KRABD2: variants seen among roughly 807,000 people sequenced by gnomAD.
The protein encoded by KRABD2 is KRAB domain containing 2, also known as KRAB domain-containing protein 2.
the KRABD2 span, among the ~76,000 whole-genome samples, chr17:8,363,494 G>C: frequency 3.1e-3 from 477 of 152,004 alleles, 1 homozygote; most frequent in Middle Eastern, 0.027. Flanking sequence ...TAGGATTACA[G>C]GCACCTGCCA....
the KRABD2 span, among the ~76,000 whole-genome samples, chr17:8,360,893 A>G: frequency 1.3e-5 from 2 of 152,200 alleles, no homozygotes; most frequent in African/African-American, 2.4e-5. Flanking sequence ...CCATACTTCA[A>G]TGGTCTGTTG....
At chr17:8,369,886 G>A in the KRABD2 span, 18 of 1,614,172 alleles carry the variant, frequency 1.1e-5, no homozygotes, top group Non-Finnish European at 1.4e-5. Flanking sequence ...TTGGGTACTG[G>A]GTTCTTCTGG....
At chr17:8,361,888 A>C in the KRABD2 span, among the ~76,000 whole-genome samples, 2 of 152,290 alleles carry the variant, frequency 1.3e-5, no homozygotes, top group African/African-American at 4.8e-5. Flanking sequence ...TGGACTTGAC[A>C]CTTAGGTTTG....
chr17:8,374,254 A>G, the KRABD2 span, among the ~76,000 whole-genome samples: 1 of 152,380 alleles, frequency 6.6e-6, no homozygotes, highest in South Asian at 2.1e-4. Flanking sequence ...AAGTAGACAT[A>G]GGAGACTCCA....
chr17:8,371,583 T>G, the KRABD2 span: 2 of 1,537,586 alleles, frequency 1.3e-6, no homozygotes, highest in African/African-American at 2.8e-5. Flanking sequence ...ATGGAAGAAA[T>G]AAGAAATAGG....
At chr17:8,365,721 G>C in the KRABD2 span, 1 of 152,246 alleles carries the variant, frequency 6.6e-6, no homozygotes, top group African/African-American at 2.4e-5. Context: ...AATCCTGTGA[G>C]GTAGGCAGCA....
the KRABD2 span, chr17:8,375,844 G>C: frequency 1.6e-4 from 183 of 1,176,056 alleles, no homozygotes; most frequent in Non-Finnish European, 1.9e-4. Flanking sequence ...TGATAAACGA[G>C]TTGGTCAGAG....
the KRABD2 span, chr17:8,365,429 G>A: frequency 6.6e-6 from 1 of 152,164 alleles, no homozygotes; most frequent in East Asian, 1.9e-4. Context: ...GAAAGACAAT[G>A]GGTTGGAAGG....
At chr17:8,371,551 TG>T in the KRABD2 span, 5 of 1,573,650 alleles carry the variant, frequency 3.2e-6, no homozygotes, top group Non-Finnish European at 3.5e-6. Context: ...TAAAGGACTC[TG>T]AAAGCGAGTC....
the KRABD2 span, among the ~76,000 whole-genome samples, chr17:8,362,196 G>T: frequency 6.6e-6 from 1 of 152,154 alleles, no homozygotes; most frequent in Non-Finnish European, 1.5e-5. The surrounding 1 kb of genome is among the most constrained non-coding windows in gnomAD (Gnocchi z 4.2). Context: ...CGGGCGTGTT[G>T]GCGGGTGCCT....
the KRABD2 span, chr17:8,370,075 C>T: frequency 6.2e-7 from 1 of 1,614,082 alleles, no homozygotes; most frequent in Non-Finnish European, 8.5e-7. Flanking sequence ...CGATCACGTT[C>T]TCCATGAGTA....
At chr17:8,369,047 A>G in the KRABD2 span, 4 of 1,510,756 alleles carry the variant, frequency 2.6e-6, no homozygotes, top group South Asian at 1.4e-5. Context: ...GCAGCCTTCA[A>G]TCTTTTCCTC....
the KRABD2 span, among the ~76,000 whole-genome samples, chr17:8,362,015 C>T: frequency 0.022 from 3,316 of 152,208 alleles, 139 homozygotes; most frequent in African/African-American, 0.076. The surrounding 1 kb of genome is among the most constrained non-coding windows in gnomAD (Gnocchi z 4.2). Flanking sequence ...TTTGTAGGAT[C>T]GTAAGGATTA....
the KRABD2 span, chr17:8,376,444 C>G: frequency 9.6e-7 from 1 of 1,038,976 alleles, no homozygotes; most frequent in Non-Finnish European, 1.2e-6. Context: ...ACCGTCCACA[C>G]CACACGGGCA....
the KRABD2 span, among the ~76,000 whole-genome samples, chr17:8,360,735 A>G: frequency 6.6e-6 from 1 of 152,202 alleles, no homozygotes; most frequent in African/African-American, 2.4e-5. Context: ...TGGAAGGAAG[A>G]ACTGTAAATC....
the KRABD2 span, among the ~76,000 whole-genome samples, chr17:8,368,462 C>T: frequency 2.0e-5 from 3 of 152,074 alleles, no homozygotes; most frequent in African/African-American, 7.2e-5. Flanking sequence ...TACACTGTCA[C>T]AAGCCAAGGA....
the KRABD2 span, chr17:8,376,587 G>A: frequency 2.0e-6 from 2 of 986,282 alleles, no homozygotes; most frequent in Non-Finnish European, 1.2e-6. Flanking sequence ...GAACGGCTGA[G>A]GCGGGCGCGC....
At chr17:8,362,706 C>G in the KRABD2 span, among the ~76,000 whole-genome samples, 1 of 152,196 alleles carries the variant, frequency 6.6e-6, no homozygotes, top group Non-Finnish European at 1.5e-5. This position sits in a 1 kb window ranked among gnomAD's most constrained non-coding sequence, Gnocchi z 4.2. Context: ...TAAGATGGCT[C>G]ACTCACATGG....
the KRABD2 span, among the ~76,000 whole-genome samples, chr17:8,363,861 ATTTATT>A: frequency 0.012 from 732 of 61,702 alleles, 16 homozygotes; most frequent in East Asian, 0.046. Flanking sequence ...ATATATATAT[ATTTATT>A]TATTTATTTA....
Sources: allele counts gnomAD v4.1 joint callset (sites outside exome capture counted in the v4.1 genomes callset), GRCh38; gene constraint gnomAD v4.1.1; non-coding constraint Gnocchi (gnomAD v3.1); transcripts MANE v1.5; gene names NCBI Gene and HGNC (gene_info 2026-07-23, HGNC 2026-07-21).